The following PLSCR2 variants were observed in gnomAD, a reference collection of about 807,000 sequenced individuals.
The protein encoded by PLSCR2 is PL scramblase 2.
In PLSCR2, 18 loss-of-function variants were observed where a neutral mutation model predicts 25.3. The observed-to-expected ratio is 0.71, with a 90% CI of 0.49 to 1.06. PLSCR2 has a LOEUF of 1.06. Among genes scored for constraint, PLSCR2 ranks in the 50% least tolerant of loss-of-function variants. The pLI, the probability that PLSCR2 is intolerant of heterozygous loss-of-function variation, is 0.00. For synonymous variants in PLSCR2, 88 were observed against 87.3 expected, an observed-to-expected ratio of 1.01 and a Z score of -0.04; for missense variants, 243 against 269.5, an observed-to-expected ratio of 0.90 and a Z score of 0.69.
intron 1 of PLSCR2, among the ~76,000 whole-genome samples, chr3:146,473,389 C>A (rs1413047449): frequency 6.7e-5 from 10 of 149,642 alleles, no homozygotes; most frequent in Non-Finnish European, 1.0e-4. Flanking sequence ...ACTGCAGCAA[C>A]CTCCACCTCC....
At chr3:146,483,034 G>T (rs576987860) in intron 1 of PLSCR2, among the ~76,000 whole-genome samples, 1 of 152,002 alleles carries the variant, frequency 6.6e-6, no homozygotes, top group East Asian at 1.9e-4. Flanking sequence ...GCAGGAGAAA[G>T]AAATAAAGGG....
intron 1 of PLSCR2, among the ~76,000 whole-genome samples, chr3:146,476,508 CA>C (rs1021604616): frequency 2.0e-5 from 3 of 152,194 alleles, no homozygotes; most frequent in African/African-American, 7.2e-5. Flanking sequence ...ACTGAGCTCC[CA>C]GGGGGAGGGG....
chr3:146,446,408 G>A (rs1213750133), intron 6 of PLSCR2, among the ~76,000 whole-genome samples: 1 of 152,154 alleles, frequency 6.6e-6, no homozygotes, highest in Non-Finnish European at 1.5e-5. Flanking sequence ...GTGGCTCTTG[G>A]AGACTCATAG....
At chr3:146,443,571 C>T (rs1354367033) in intron 6 of PLSCR2, among the ~76,000 whole-genome samples, 1 of 151,868 alleles carries the variant, frequency 6.6e-6, no homozygotes, top group Non-Finnish European at 1.5e-5. Flanking sequence ...TAGTCTTTAA[C>T]GATCCTTTGA....
intron 2 of PLSCR2, among the ~76,000 whole-genome samples, chr3:146,408,290 G>T (rs1166575503): frequency 6.6e-6 from 1 of 152,076 alleles, no homozygotes; most frequent in Non-Finnish European, 1.5e-5. Context: ...GCAACTCCTT[G>T]GCTTTCGTGG....
chr3:146,408,911 A>G (rs1245564290), intron 2 of PLSCR2, among the ~76,000 whole-genome samples: 1 of 151,864 alleles, frequency 6.6e-6, no homozygotes, highest in Non-Finnish European at 1.5e-5. Context: ...AGACCTCCTC[A>G]AGGAGGTCTC....
intron 1 of PLSCR2, among the ~76,000 whole-genome samples, chr3:146,476,914 T>C (rs559815913): frequency 7.9e-5 from 12 of 152,318 alleles, no homozygotes; most frequent in African/African-American, 2.9e-4. Flanking sequence ...CCAGCTGACT[T>C]AGTCTTTCCC....
chr3:146,492,213 G>T (rs2043577753), intron 1 of PLSCR2, among the ~76,000 whole-genome samples: 1 of 152,102 alleles, frequency 6.6e-6, no homozygotes, highest in Non-Finnish European at 1.5e-5. Context: ...CATCGGAGAG[G>T]CTGAGGTGTT....
intron 2 of PLSCR2, among the ~76,000 whole-genome samples, chr3:146,405,461 T>C (rs2038633818): frequency 6.6e-6 from 1 of 152,050 alleles, no homozygotes; most frequent in Non-Finnish European, 1.5e-5. Context: ...TCTGGCTCTC[T>C]TAGCTAAGGG....
chr3:146,437,059 T>A (rs2039909218), downstream of PLSCR2, among the ~76,000 whole-genome samples: 2 of 152,178 alleles, frequency 1.3e-5, no homozygotes, highest in South Asian at 4.1e-4. Context: ...TTGGTTCTGT[T>A]TATATGATGG....
At chr3:146,467,963 C>CAAGGGCCAGTTCACAAATGTTTA (rs1343862361) in intron 1 of PLSCR2, among the ~76,000 whole-genome samples, 6 of 152,270 alleles carry the variant, frequency 3.9e-5, no homozygotes, top group Admixed American at 3.9e-4. Context: ...GAAAGGTGCA[C>CAAGGGCCAGTTCACAAATGTTTA]AAGGGCCAGT....
intron 2 of PLSCR2, among the ~76,000 whole-genome samples, chr3:146,412,979 G>A (rs977670567): frequency 1.3e-5 from 2 of 152,122 alleles, no homozygotes; most frequent in African/African-American, 2.4e-5. Context: ...GAAATTAGAG[G>A]CAAGGGGGTG....
intron 1 of PLSCR2, among the ~76,000 whole-genome samples, chr3:146,481,858 C>A (rs478634): frequency 0.32 from 49,083 of 152,050 alleles, 7,961 homozygotes; most frequent in South Asian, 0.41. Flanking sequence ...ACCAAAACAG[C>A]ATGCTACTGG....
chr3:146,458,487 C>G, intron 2 of PLSCR2, 34 bp from the exon 3 acceptor site: 1 of 1,337,278 alleles, frequency 7.5e-7, no homozygotes, highest in Non-Finnish European at 1.0e-6. Context: ...AGTTGTATGT[C>G]AAATATTTTA....
intron 2 of PLSCR2, among the ~76,000 whole-genome samples, chr3:146,416,014 G>A (rs907363175): frequency 9.2e-5 from 14 of 151,984 alleles, no homozygotes; most frequent in African/African-American, 2.9e-4. Context: ...GCAGTGGCGC[G>A]ATCTTGACTC....
rs745933453 is a variant in PLSCR2 at position 146,455,437 on chromosome 3, A to T, written c.123T>A (p.Ser41Arg). Residue 41 changes from serine to arginine, a missense_variant, in exon 4 of 7, where the codon AGT becomes AGA. Coordinates refer to ENST00000610787, the Ensembl canonical transcript of PLSCR2. ...AGCTGTTCTTGATTTCATACATGTT[A>T]CTACTTTCAAAACTGAATAGAACTA... 2 of 1,608,212 alleles carry T rather than the reference A, an allele frequency of 1.2e-6. No individual in the cohort carries two copies. The highest frequency in any genetic ancestry group is 8.5e-7 in the Non-Finnish European group (1 of 1,175,088).
chr3:146,451,166 G>A (rs996378597), intron 5 of PLSCR2, among the ~76,000 whole-genome samples: 11 of 136,326 alleles, frequency 8.1e-5, no homozygotes, highest in Non-Finnish European at 1.2e-4. Context: ...CCAGGCTGGA[G>A]TGCAACGGCG....
rs149168165 is a variant in PLSCR2 at position 146,399,736 on chromosome 3, T to C, written c.101-3815A>G. On this transcript the variant is annotated intron_variant and NMD_transcript_variant, in intron 2 of 3. Coordinates refer to the PLSCR2 transcript ENST00000463633. Reference sequence around the variant, plus strand: ...GCTCTCTCCCTTTCTCTCTCTCTCTTTTTTTTTCTTTCTTCCTTGCTTGCT... The same window carrying C: ...GCTCTCTCCCTTTCTCTCTCTCTCTCTTTTTTTCTTTCTTCCTTGCTTGCT... Among the ~76,000 whole-genome samples the C allele has an allele frequency of 4.8e-3, 717 of 150,804 alleles. 5 individuals are homozygous for C. Among genetic ancestry groups the C allele is most frequent in the African/African-American group, 0.017 (695 of 41,238 alleles).
intron 1 of PLSCR2, among the ~76,000 whole-genome samples, chr3:146,473,868 G>T (rs534092): frequency 0.29 from 43,875 of 151,920 alleles, 6,369 homozygotes; most frequent in South Asian, 0.42. Context: ...GGTTTTCCAG[G>T]GACTTCACTT....
Sources: allele counts gnomAD v4.1 joint callset (sites outside exome capture counted in the v4.1 genomes callset), GRCh38; gene constraint gnomAD v4.1.1; transcripts MANE v1.5; gene names NCBI Gene and HGNC (gene_info 2026-07-23, HGNC 2026-07-21).